Variants in EFR3B observed in about 807,000 individuals in gnomAD.
EFR3B encodes protein EFR3 homolog B.
A neutral mutation model predicts 104.7 loss-of-function variants in EFR3B; 64 were observed. The ratio of observed to expected loss-of-function variants is 0.61; its 90% CI spans 0.50 to 0.75. EFR3B has a LOEUF of 0.75. Among genes scored for constraint, EFR3B ranks in the 30% least tolerant of loss-of-function variants. EFR3B has a pLI of 0.00. For missense variants in EFR3B, 750 were observed against 1,078.5 expected (o/e 0.70, Z 4.27); for synonymous variants, 385 against 417.9 (o/e 0.92, Z 0.96).
chr2:25,055,222 C>T (rs1039050696), intron 1 of EFR3B, among the ~76,000 whole-genome samples: 2 of 152,216 alleles, frequency 1.3e-5, no homozygotes, highest in African/African-American at 4.8e-5. Flanking sequence ...ATTAAAACAC[C>T]ACTTTGTGCC....
chr2:25,071,694 G>C (rs1668503445), intron 1 of EFR3B, among the ~76,000 whole-genome samples: 1 of 152,128 alleles, frequency 6.6e-6, no homozygotes. Context: ...TTTCCATGTG[G>C]TTGTCTAAAT....
chr2:25,099,987 G>T (rs1573202544), intron 3 of EFR3B, among the ~76,000 whole-genome samples: 1 of 152,100 alleles, frequency 6.6e-6, no homozygotes, highest in East Asian at 1.9e-4. Flanking sequence ...TGGGTCACCT[G>T]AGGTCAGGAG....
chr2:25,079,025 T>A (rs1020686558), intron 1 of EFR3B, among the ~76,000 whole-genome samples: 1 of 152,010 alleles, frequency 6.6e-6, no homozygotes, highest in African/African-American at 2.4e-5. Context: ...AGACACAGAG[T>A]GTTCCAGGAG....
At chr2:25,089,338 C>G (rs1469285034) in intron 1 of EFR3B, among the ~76,000 whole-genome samples, 1 of 152,178 alleles carries the variant, frequency 6.6e-6, no homozygotes, top group Non-Finnish European at 1.5e-5. Flanking sequence ...GTTCTAGCAG[C>G]TGTGAGCTTG....
At chr2:25,052,266 G>A (rs1443738338) in intron 1 of EFR3B, among the ~76,000 whole-genome samples, 1 of 151,600 alleles carries the variant, frequency 6.6e-6, no homozygotes, top group Admixed American at 6.6e-5. Context: ...GCGCCTGGCA[G>A]AGAACACATT....
At chr2:25,128,739 A>T (rs1341107584) in intron 6 of EFR3B, among the ~76,000 whole-genome samples, 1 of 151,866 alleles carries the variant, frequency 6.6e-6, no homozygotes, top group Non-Finnish European at 1.5e-5. Context: ...CGGGCAGATC[A>T]CGAGGTCAGG....
chr2:25,089,700 C>T (rs1669059579), intron 1 of EFR3B, among the ~76,000 whole-genome samples: 1 of 152,096 alleles, frequency 6.6e-6, no homozygotes, highest in South Asian at 2.1e-4. Flanking sequence ...ACCAGAACCC[C>T]AACACCTTTT....
chr2:25,072,642 C>T (rs1235249079), intron 1 of EFR3B, among the ~76,000 whole-genome samples: 1 of 152,148 alleles, frequency 6.6e-6, no homozygotes. Flanking sequence ...TTCTTCTTAG[C>T]TCTCTAAACT....
Position 25,042,373 on chromosome 2 carries a change from TC to T in EFR3B, c.7+58del. On this transcript the variant is annotated intron_variant, in intron 1 of 22. Transcript: ENST00000403714. The surrounding 1 kb of genome is among the most constrained non-coding windows in gnomAD (Gnocchi z 5.4). ...GCCCGCGGGGGCGACTCCGCAAACT[TC>T]CCCGGCGCGGACCATTGTCCCCCTG... The T allele has an allele frequency of 8.1e-7, 1 of 1,235,724 alleles. No homozygotes were observed. Among genetic ancestry groups the T allele is most frequent in the South Asian group, 3.4e-5 (1 of 29,384 alleles). 76.5% of individuals were successfully genotyped at this position (1,235,724 alleles called of 1,614,324 possible).
At chr2:25,139,216 C>T in intron 16 of EFR3B, 26 bp downstream of exon 16, 5 of 1,544,250 alleles carry the variant, frequency 3.2e-6, no homozygotes, top group Non-Finnish European at 4.4e-6. Flanking sequence ...ACCAAGAGCT[C>T]AGGGGGCCCT....
At chr2:25,061,953 TTTTAC>T (rs1359613087) in intron 1 of EFR3B, among the ~76,000 whole-genome samples, 3 of 152,196 alleles carry the variant, frequency 2.0e-5, no homozygotes, top group African/African-American at 7.2e-5. Context: ...TTTAATTTAT[TTTTAC>T]TTTATTTTAT....
intron 4 of EFR3B, among the ~76,000 whole-genome samples, chr2:25,116,722 G>A (rs930452063): frequency 1.3e-5 from 2 of 152,136 alleles, no homozygotes; most frequent in Admixed American, 1.3e-4. Flanking sequence ...GCCGCAGAAG[G>A]AGAGAGCAAG....
chr2:25,112,500 G>A (rs933467503), intron 4 of EFR3B, among the ~76,000 whole-genome samples: 1 of 152,238 alleles, frequency 6.6e-6, no homozygotes, highest in African/African-American at 2.4e-5. Context: ...GCCTTGGCTG[G>A]TAGTCAGGAG....
intron 1 of EFR3B, among the ~76,000 whole-genome samples, chr2:25,071,515 T>C (rs558567381): frequency 9.9e-5 from 15 of 152,248 alleles, no homozygotes; most frequent in African/African-American, 3.4e-4. Context: ...CGCCTCGGCC[T>C]CCCAAAGTGC....
chr2:25,096,305 C>T (rs1451255803), intron 3 of EFR3B, among the ~76,000 whole-genome samples: 4 of 152,192 alleles, frequency 2.6e-5, no homozygotes, highest in Admixed American at 6.5e-5. Context: ...GGAGCCACCG[C>T]GCCTGGCCTC....
intron 4 of EFR3B, among the ~76,000 whole-genome samples, chr2:25,120,645 A>AAACAACAACAAC (rs113749302): frequency 1.6e-4 from 25 of 151,662 alleles, no homozygotes; most frequent in African/African-American, 4.8e-4. Flanking sequence ...TCCGTCTCAA[A>AAACAACAACAAC]AACAACAACA....
intron 3 of EFR3B, among the ~76,000 whole-genome samples, chr2:25,103,068 C>T (rs927223597): frequency 3.3e-5 from 5 of 152,176 alleles, no homozygotes; most frequent in Admixed American, 6.5e-5. Context: ...CCTCCCCACT[C>T]GAGCCATCTC....
chr2:25,070,748 G>A (rs1255049922), intron 1 of EFR3B, among the ~76,000 whole-genome samples: 2 of 152,176 alleles, frequency 1.3e-5, no homozygotes, highest in African/African-American at 4.8e-5. Flanking sequence ...AGGGAGAGAG[G>A]CGGGGTGGCA....
At chr2:25,149,004 C>T (rs955012066) in intron 19 of EFR3B, among the ~76,000 whole-genome samples, 1 of 151,122 alleles carries the variant, frequency 6.6e-6, no homozygotes, top group African/African-American at 2.4e-5. Flanking sequence ...TATTCACCAC[C>T]TCTCTTCCCT....
Sources: allele counts gnomAD v4.1 joint callset (sites outside exome capture counted in the v4.1 genomes callset), GRCh38; gene constraint gnomAD v4.1.1; non-coding constraint Gnocchi (gnomAD v3.1); transcripts MANE v1.5; gene names NCBI Gene and HGNC (gene_info 2026-07-23, HGNC 2026-07-21).